CNTNAP2: variants seen among roughly 807,000 people sequenced by gnomAD.
CNTNAP2 encodes contactin-associated protein-like 2.
CNTNAP2 carries 98 observed loss-of-function variants against 155.2 expected under a neutral mutation model. The observed-to-expected ratio is 0.63, with a 90% confidence interval of 0.54 to 0.75. The LOEUF (loss-of-function observed/expected upper bound fraction) is 0.75. CNTNAP2 is among the 30% of genes least tolerant of loss of function. The pLI, the probability that CNTNAP2 is intolerant of heterozygous loss-of-function variation, is 0.00. For synonymous variants in CNTNAP2, 651 were observed against 631.2 expected (o/e 1.03, Z -0.47); for missense variants, 1,727 against 1,688.1 (o/e 1.02, Z -0.40).
chr7:146,366,585 AG>A (rs1795159422), intron 1 of CNTNAP2, among the ~76,000 whole-genome samples: 1 of 152,106 alleles, frequency 6.6e-6, no homozygotes, highest in Non-Finnish European at 1.5e-5. Context: ...AGAAGACCAA[AG>A]GGATTTAGGA....
At chr7:148,148,508 C>A (rs934101069) in intron 17 of CNTNAP2, among the ~76,000 whole-genome samples, 2 of 152,220 alleles carry the variant, frequency 1.3e-5, no homozygotes, top group Non-Finnish European at 1.5e-5. Flanking sequence ...TCATCTTAGA[C>A]CCCTCTCTAG....
At chr7:148,128,296 T>G (rs1804756736) in intron 16 of CNTNAP2, among the ~76,000 whole-genome samples, 1 of 152,224 alleles carries the variant, frequency 6.6e-6, no homozygotes, top group Non-Finnish European at 1.5e-5. Context: ...ATTTGGAATC[T>G]GAAAAGTGAT....
intron 21 of CNTNAP2, among the ~76,000 whole-genome samples, chr7:148,340,264 C>T (rs1167126006): frequency 2.0e-5 from 3 of 152,108 alleles, no homozygotes; most frequent in Middle Eastern, 3.2e-3. Flanking sequence ...ATCACCAAAA[C>T]GGAGCGTGCT....
intron 3 of CNTNAP2, among the ~76,000 whole-genome samples, chr7:146,953,326 T>C (rs1459541119): frequency 6.6e-6 from 1 of 151,972 alleles, no homozygotes; most frequent in African/African-American, 2.4e-5. Context: ...TATGTATCAT[T>C]TAGTGTGTAT....
chr7:147,381,208 T>C (rs960943047), intron 9 of CNTNAP2, among the ~76,000 whole-genome samples: 1 of 152,270 alleles, frequency 6.6e-6, no homozygotes. Flanking sequence ...TTGGGTATTA[T>C]TAATTCCTGC....
At chr7:146,605,099 G>T (rs200649009) in intron 1 of CNTNAP2, among the ~76,000 whole-genome samples, 1 of 138,564 alleles carries the variant, frequency 7.2e-6, no homozygotes, top group Non-Finnish European at 1.6e-5. Context: ...AAAAAAAAAA[G>T]AAAAAAAAAT....
intron 9 of CNTNAP2, among the ~76,000 whole-genome samples, chr7:147,377,136 T>TCC (rs35904580): frequency 0.024 from 3,560 of 149,622 alleles, 169 homozygotes; most frequent in African/African-American, 0.083. Context: ...TTCCTTCTTC[T>TCC]CCCCCCCCTT....
At chr7:148,387,022 T>G (rs1226005305) in intron 22 of CNTNAP2, among the ~76,000 whole-genome samples, 1 of 152,140 alleles carries the variant, frequency 6.6e-6, no homozygotes, top group Non-Finnish European at 1.5e-5. Context: ...GCCATAAAAC[T>G]TCCCTGGAGA....
intron 3 of CNTNAP2, among the ~76,000 whole-genome samples, chr7:146,861,402 A>G (rs1333166999): frequency 1.3e-5 from 2 of 152,164 alleles, no homozygotes; most frequent in Non-Finnish European, 2.9e-5. Context: ...TACAATTACA[A>G]TGAACTGATG....
chr7:148,233,234 CT>C (rs2116785180), intron 20 of CNTNAP2, among the ~76,000 whole-genome samples: 1 of 152,338 alleles, frequency 6.6e-6, no homozygotes, highest in South Asian at 2.1e-4. Context: ...ACCCTTTCTT[CT>C]TCCTTTCCTT....
chr7:148,344,469 G>A (rs1419214186), intron 21 of CNTNAP2, among the ~76,000 whole-genome samples: 1 of 152,052 alleles, frequency 6.6e-6, no homozygotes, highest in African/African-American at 2.4e-5. Flanking sequence ...ATTCCCTCAT[G>A]CTGTTTTATT....
At chr7:147,108,012 G>A in intron 4 of CNTNAP2, 135 bp from the exon 5 acceptor site, 1 of 755,212 alleles carries the variant, frequency 1.3e-6, no homozygotes, top group Non-Finnish European at 2.2e-6. Context: ...AGAAGGAATA[G>A]AAGAAAAACA....
chr7:148,283,279 G>A (rs1366294304), intron 21 of CNTNAP2, among the ~76,000 whole-genome samples: 2 of 103,086 alleles, frequency 1.9e-5, no homozygotes, highest in African/African-American at 7.8e-5. Context: ...AAGAAAGAAA[G>A]AAAGAAAGAA....
intron 10 of CNTNAP2, among the ~76,000 whole-genome samples, chr7:147,429,621 G>T (rs73475122): frequency 0.021 from 3,135 of 151,980 alleles, 118 homozygotes; most frequent in African/African-American, 0.072. Flanking sequence ...TTTGGTTCTT[G>T]GTCATGATCT....
chr7:148,247,523 CT>C (rs1563010379), intron 20 of CNTNAP2, among the ~76,000 whole-genome samples: 1 of 151,792 alleles, frequency 6.6e-6, no homozygotes, highest in Non-Finnish European at 1.5e-5. Flanking sequence ...TTCCCCACAT[CT>C]TTGTTTTTCT....
chr7:148,100,112 C>T (rs530238023), intron 15 of CNTNAP2, among the ~76,000 whole-genome samples: 4 of 151,956 alleles, frequency 2.6e-5, no homozygotes, highest in Non-Finnish European at 5.9e-5. Flanking sequence ...CCTCATGATC[C>T]ACTCGCCTCA....
At chr7:146,296,777 A>C (rs1054501790) in intron 1 of CNTNAP2, among the ~76,000 whole-genome samples, 5 of 152,180 alleles carry the variant, frequency 3.3e-5, no homozygotes, top group African/African-American at 9.6e-5. Flanking sequence ...TGTCACCTAA[A>C]TCTAAAATAC....
intron 9 of CNTNAP2, among the ~76,000 whole-genome samples, chr7:147,394,940 T>A (rs1584922358): frequency 6.6e-6 from 1 of 151,684 alleles, no homozygotes; most frequent in East Asian, 1.9e-4. Context: ...ATATACCATA[T>A]TATGGTATTT....
chr7:147,120,522 T>C (rs1021158270), intron 5 of CNTNAP2, among the ~76,000 whole-genome samples: 2 of 152,124 alleles, frequency 1.3e-5, no homozygotes, highest in Admixed American at 6.5e-5. Flanking sequence ...ATTTTCCCCC[T>C]TTTTAAAAAA....
Sources: allele counts gnomAD v4.1 joint callset (sites outside exome capture counted in the v4.1 genomes callset), GRCh38; gene constraint gnomAD v4.1.1; transcripts MANE v1.5; gene names NCBI Gene and HGNC (gene_info 2026-07-23, HGNC 2026-07-21).